The following UGGT1 variants were observed in gnomAD, a reference collection of about 807,000 sequenced individuals.
UGGT1 encodes the protein UDP-glucose:glycoprotein glucosyltransferase 1.
In UGGT1, 107 loss-of-function variants were observed where a neutral mutation model predicts 203.9. That is an observed-to-expected ratio of 0.52 (90% confidence interval 0.45 to 0.62). The LOEUF (loss-of-function observed/expected upper bound fraction) is 0.62. UGGT1 is among the 20% of genes least tolerant of loss of function. UGGT1 has a pLI of 0.00. For missense variants in UGGT1, 1,673 were observed against 1,867.2 expected (o/e 0.90, Z 1.92); for synonymous variants, 628 against 653.5 (o/e 0.96, Z 0.59).
intron 18 of UGGT1, among the ~76,000 whole-genome samples, chr2:128,150,791 T>G (rs1411505485): frequency 1.3e-5 from 2 of 151,574 alleles, no homozygotes; most frequent in Non-Finnish European, 2.9e-5. Context: ...TAAATATGAA[T>G]GAAATCAAGG....
chr2:128,148,267 G>A (rs148865988), intron 18 of UGGT1, among the ~76,000 whole-genome samples: 4 of 152,026 alleles, frequency 2.6e-5, no homozygotes, highest in African/African-American at 4.8e-5. Context: ...TTACCACATC[G>A]GCCAGGCTCT....
intron 13 of UGGT1, among the ~76,000 whole-genome samples, chr2:128,130,627 G>C (rs1019561936): frequency 1.3e-5 from 2 of 152,154 alleles, no homozygotes; most frequent in African/African-American, 4.8e-5. Context: ...TTTTGTGTCA[G>C]ATTTAACTGT....
Position 128,155,558 on chromosome 2 carries a change from C to A in UGGT1, c.2207C>A (p.Ala736Asp). 3 of 1,613,058 alleles carry A rather than the reference C, an allele frequency of 1.9e-6. No individual in the cohort carries two copies. The highest frequency in any genetic ancestry group is 2.5e-6 in the Non-Finnish European group (3 of 1,179,596). ...LDSQGKTAAV[A>D]NSMNYLTKKG... ...TCCCAAGGCAAGACTGCTGCTGTAGCCAATAGTATGAACTATCTGACAAAG... is the reference window on the plus strand; with the variant it reads ...TCCCAAGGCAAGACTGCTGCTGTAGACAATAGTATGAACTATCTGACAAAG... Residue 736 changes from alanine to aspartate, a missense_variant, in exon 20 of 41, where the codon GCC becomes GAC. Coordinates refer to ENST00000259253, the MANE Select transcript of UGGT1 (RefSeq NM_020120.4).
rs1241556027 is a variant in UGGT1, at chr2:128,164,788, C to T, written c.2884C>T (p.Pro962Ser). ...TCTGTCAGCGCAACCAAAAGGAGAT[C>T]CAAGAATCGAGTACCAGTTTTTTGA... ...ALLSAQPKGDPRIEYQFFEDR... is the reference protein window; with the variant it reads ...ALLSAQPKGDSRIEYQFFEDR... Residue 962 changes from proline to serine, a missense_variant, in exon 26 of 41, where the codon CCA becomes TCA. Transcript: ENST00000259253. 2.5e-6 allele frequency: 4 copies of T among 1,609,770 alleles called. No homozygotes were observed. In the African/African-American group the frequency reaches 5.4e-5, roughly 22 times the overall value.
chr2:128,145,653 T>C (rs1689652015), intron 17 of UGGT1, 150 bp from the exon 18 acceptor site: 1 of 798,412 alleles, frequency 1.3e-6, no homozygotes, highest in East Asian at 3.1e-5. Context: ...TCATTTTTCA[T>C]TTTTTTAAAA....
intron 40 of UGGT1, among the ~76,000 whole-genome samples, chr2:128,188,892 T>G (rs1168913575): frequency 6.6e-6 from 1 of 152,244 alleles, no homozygotes; most frequent in Non-Finnish European, 1.5e-5. Flanking sequence ...ATATTAAATA[T>G]CACAGCTGGA....
chr2:128,103,136 CT>C, intron 2 of UGGT1: 1 of 470,758 alleles, frequency 2.1e-6, no homozygotes. Context: ...GAAAGTCTTC[CT>C]TTGGCTAGGT....
chr2:128,104,093 TG>T, intron 3 of UGGT1, 79 bp downstream of exon 3: 1 of 1,087,860 alleles, frequency 9.2e-7, no homozygotes, highest in Non-Finnish European at 1.3e-6. Flanking sequence ...ATAGTATGTG[TG>T]GCATGGCAGT....
At chr2:128,188,663 G>A (rs747494009) in intron 40 of UGGT1, among the ~76,000 whole-genome samples, 12 of 152,174 alleles carry the variant, frequency 7.9e-5, no homozygotes, top group Non-Finnish European at 1.5e-4. Flanking sequence ...CTAAAAAAGT[G>A]GCTGGGCACA....
At chr2:128,117,998 GAGAGAGAGAGAGAGAGAGGGAA>G (rs1688209575) in intron 8 of UGGT1, among the ~76,000 whole-genome samples, 1 of 88,646 alleles carries the variant, frequency 1.1e-5, no homozygotes, top group Non-Finnish European at 2.9e-5. Flanking sequence ...GTGTGTGAGA[GAGAGAGAGAGAGAGAGAGGGAA>G]AGAGAGAGAA....
At chr2:128,185,460 G>A (rs1413840012) in intron 38 of UGGT1, among the ~76,000 whole-genome samples, 1 of 145,068 alleles carries the variant, frequency 6.9e-6, no homozygotes, top group African/African-American at 2.6e-5. Context: ...GTGAGCCACC[G>A]TGCCCGGCCT....
intron 13 of UGGT1, among the ~76,000 whole-genome samples, chr2:128,132,523 C>T (rs1024215061): frequency 3.9e-5 from 6 of 152,100 alleles, no homozygotes; most frequent in East Asian, 3.8e-4. Context: ...ACTTCAGCCT[C>T]GTCAATAGAG....
At chr2:128,173,502 C>T (rs893422381) in intron 29 of UGGT1, among the ~76,000 whole-genome samples, 1 of 151,984 alleles carries the variant, frequency 6.6e-6, no homozygotes, top group African/African-American at 2.4e-5. Flanking sequence ...TAATTGTATA[C>T]AGTCATTAAC....
At chr2:128,105,203 T>C (rs1351976867) in intron 3 of UGGT1, among the ~76,000 whole-genome samples, 1 of 151,724 alleles carries the variant, frequency 6.6e-6, no homozygotes, top group African/African-American at 2.4e-5. Context: ...TTTTTAACTT[T>C]TTAATTTTTA....
intron 14 of UGGT1, among the ~76,000 whole-genome samples, chr2:128,133,746 T>C (rs1688992822): frequency 6.6e-6 from 1 of 152,214 alleles, no homozygotes; most frequent in Non-Finnish European, 1.5e-5. Context: ...TTACAGTATA[T>C]TACAGCATAT....
intron 22 of UGGT1, among the ~76,000 whole-genome samples, chr2:128,159,003 GT>G (rs1308020908): frequency 1.3e-5 from 2 of 152,102 alleles, no homozygotes; most frequent in African/African-American, 4.8e-5. Flanking sequence ...AGTTGGAAAG[GT>G]GGGCTGGGGG....
At chr2:128,169,429 G>A (rs756380814) in intron 26 of UGGT1, among the ~76,000 whole-genome samples, 13 of 152,148 alleles carry the variant, frequency 8.5e-5, no homozygotes, top group Non-Finnish European at 1.3e-4. Flanking sequence ...TAATGCTGAC[G>A]AAGGATGTGG....
At chr2:128,127,854 A>G (rs2105410217) in intron 12 of UGGT1, among the ~76,000 whole-genome samples, 1 of 152,304 alleles carries the variant, frequency 6.6e-6, no homozygotes, top group Admixed American at 6.5e-5. Flanking sequence ...CCGGCGGATC[A>G]CTTGAGGTCA....
intron 17 of UGGT1, among the ~76,000 whole-genome samples, chr2:128,144,131 C>G (rs1689567765): frequency 6.6e-6 from 1 of 152,156 alleles, no homozygotes; most frequent in African/African-American, 2.4e-5. Flanking sequence ...AAAGTTCTAA[C>G]CTACGTGGGC....
Sources: gnomAD v4.1 joint callset for allele counts (sites outside exome capture counted in the v4.1 genomes callset) on GRCh38, gnomAD v4.1.1 for gene constraint, MANE v1.5 for transcripts, NCBI Gene and HGNC (gene_info 2026-07-23, HGNC 2026-07-21) for gene names.